POLK: variants seen among roughly 807,000 people sequenced by gnomAD.
POLK encodes DNA polymerase kappa.
A neutral mutation model predicts 94.0 loss-of-function variants in POLK; 76 were observed. The observed-to-expected ratio is 0.81, with a 90% CI of 0.67 to 0.98. The LOEUF is 0.98. Among genes scored for constraint, POLK ranks in the 50% least tolerant of loss-of-function variants. POLK has a pLI of 0.00. For synonymous variants in POLK, 349 were observed against 325.4 expected (o/e 1.07, Z -0.78); for missense variants, 954 against 1,010.1 (o/e 0.94, Z 0.75).
chr5:75,597,612 T>C (rs1773161353), intron 13 of POLK, 135 bp from the exon 14 acceptor site: 2 of 450,032 alleles, frequency 4.4e-6, no homozygotes, highest in South Asian at 7.5e-5. Flanking sequence ...TTATAGTTTT[T>C]GGTGTGTTTA....
intron 1 of POLK, chr5:75,534,956 G>T (rs1234694183): frequency 2.6e-5 from 4 of 152,054 alleles, no homozygotes; most frequent in Admixed American, 2.6e-4. Context: ...ATTGGGGTGT[G>T]CATTCAAGGT....
chr5:75,553,574 C>T (rs1022905849), intron 3 of POLK, among the ~76,000 whole-genome samples: 3 of 152,144 alleles, frequency 2.0e-5, no homozygotes, highest in South Asian at 2.1e-4. Context: ...TAATGCTTCA[C>T]AGCATTCCAC....
chr5:75,573,954 A>G, intron 5 of POLK, 85 bp downstream of exon 5: 2 of 1,393,604 alleles, frequency 1.4e-6, no homozygotes, highest in Non-Finnish European at 2.0e-6. Context: ...CTTAGCACGT[A>G]GGATTTGGTC....
At position 75,589,388 on chromosome 5, in the gene POLK, T is replaced by TACACACACACACACACAC. The variant is rs71600465; in HGVS notation, c.1260-923_1260-906dup. Among the ~76,000 whole-genome samples the TACACACACACACACACAC allele has an allele frequency of 2.4e-3, 308 of 128,264 alleles. 3 individuals are homozygous for TACACACACACACACACAC. The highest frequency in any genetic ancestry group is 3.9e-3 in the Middle Eastern group (1 of 254). 84.1% of individuals were successfully genotyped at this position (128,264 alleles called of 152,430 possible). ...TGCTTATTTTATATATATACACACA[T>TACACACACACACACACAC]ACACACACACACACACACACACACA... On this transcript the variant is annotated intron_variant, in intron 10 of 14. Transcript: ENST00000241436.
intron 1 of POLK, among the ~76,000 whole-genome samples, chr5:75,527,656 C>T (rs988323167): frequency 1.3e-5 from 2 of 151,868 alleles, no homozygotes; most frequent in African/African-American, 2.4e-5. Flanking sequence ...TTTTCTTCTC[C>T]GAACCTGGTA....
intron 10 of POLK, among the ~76,000 whole-genome samples, chr5:75,589,388 TACACACAC>T (rs71600465): frequency 0.073 from 9,338 of 128,286 alleles, 367 homozygotes; most frequent in South Asian, 0.18. Context: ...TATACACACA[TACACACAC>T]ACACACACAC....
downstream of POLK, among the ~76,000 whole-genome samples, chr5:75,602,090 G>A (rs1773308083): frequency 6.6e-6 from 1 of 152,084 alleles, no homozygotes; most frequent in Non-Finnish European, 1.5e-5. Flanking sequence ...GAGTCACATG[G>A]GGACATGCTT....
chr5:75,575,847 A>C lies in POLK; in HGVS notation c.541-933A>C, dbSNP rs530652502. Among the ~76,000 whole-genome samples the C allele has an allele frequency of 2.1e-4, 32 of 152,160 alleles. No homozygotes were observed. In the South Asian group the frequency reaches 6.6e-3, roughly 32 times the overall value. The stretch of plus-strand genomic sequence containing the variant: ...TTATAAAAGAAGAAACAGTTTTCTC[A>C]TGATACAGTAGACAGTTTTAAAAGC... On this transcript the variant is annotated intron_variant, in intron 5 of 14. Transcript: ENST00000241436.
At chr5:75,587,551 G>A (rs1772535186) in intron 10 of POLK, among the ~76,000 whole-genome samples, 2 of 152,114 alleles carry the variant, frequency 1.3e-5, no homozygotes, top group Non-Finnish European at 2.9e-5. Context: ...TTACCGTTTG[G>A]GGAAATAAGT....
chr5:75,569,666 C>T (rs909920452), intron 4 of POLK, among the ~76,000 whole-genome samples, 174 bp downstream of exon 4: 5 of 152,090 alleles, frequency 3.3e-5, no homozygotes, highest in Non-Finnish European at 5.9e-5. Context: ...GGCAGGGGAC[C>T]CCAACCCCCA....
intron 3 of POLK, among the ~76,000 whole-genome samples, chr5:75,557,177 T>A (rs1770673897): frequency 6.6e-6 from 1 of 152,242 alleles, no homozygotes; most frequent in African/African-American, 2.4e-5. Flanking sequence ...GTATTCTGTT[T>A]CATTGATCTA....
At chr5:75,511,746 T>A (rs1467035032), upstream of POLK, 4 of 1,549,426 alleles carry the variant, frequency 2.6e-6, no homozygotes, top group Non-Finnish European at 2.6e-6. Flanking sequence ...GGGATCCTCC[T>A]CCCGAACCCT....
intron 1 of POLK, among the ~76,000 whole-genome samples, chr5:75,522,400 C>G (rs1580913354): frequency 6.6e-6 from 1 of 152,242 alleles, no homozygotes; most frequent in East Asian, 1.9e-4. Flanking sequence ...AATCTCAGCA[C>G]CATATATTTG....
downstream of POLK, among the ~76,000 whole-genome samples, chr5:75,602,940 G>A (rs1163098927): frequency 6.6e-6 from 1 of 152,186 alleles, no homozygotes; most frequent in African/African-American, 2.4e-5. Flanking sequence ...TATCCGCAAG[G>A]TCAGTGTCCC....
intron 1 of POLK, chr5:75,538,713 C>T (rs1297211731): frequency 1.3e-5 from 2 of 151,914 alleles, no homozygotes; most frequent in South Asian, 2.1e-4. Flanking sequence ...TCCTAGATGC[C>T]GTTGTTTATT....
At chr5:75,542,924 G>A (rs1461854308) in intron 1 of POLK, among the ~76,000 whole-genome samples, 1 of 149,968 alleles carries the variant, frequency 6.7e-6, no homozygotes, top group South Asian at 2.1e-4. Flanking sequence ...TATTGGCCAG[G>A]CTGGTCTCGA....
At position 75,550,536 on chromosome 5, in the gene POLK, A is replaced by G. The variant is rs143036168; in HGVS notation, c.136-1936A>G. 2.1e-3 allele frequency among the ~76,000 whole-genome samples: 315 copies of G among 152,198 alleles called. 1 individual carries two copies. The East Asian group carries it at 0.027, about 13-fold the overall frequency. ...GGAGGTTGCAGTGAGCCAAGATTGC[A>G]CCACTGCACTCCAGTCTGGGCAACA... On this transcript the variant is annotated intron_variant, in intron 2 of 14. Coordinates refer to ENST00000241436, the Ensembl canonical transcript of POLK.
downstream of POLK, among the ~76,000 whole-genome samples, chr5:75,602,632 A>G (rs75156151): frequency 2.1e-3 from 317 of 152,340 alleles, 1 homozygote; most frequent in East Asian, 0.027. Flanking sequence ...GACACTTCAA[A>G]TTCGTAACAT....
chr5:75,586,450 A>G (rs1020565098), intron 9 of POLK, among the ~76,000 whole-genome samples: 2 of 152,138 alleles, frequency 1.3e-5, no homozygotes, highest in African/African-American at 4.8e-5. Context: ...GAAAATGAGT[A>G]CTCTACATGT....
Sources: allele counts gnomAD v4.1 joint callset (sites outside exome capture counted in the v4.1 genomes callset), GRCh38; gene constraint gnomAD v4.1.1; transcripts MANE v1.5; gene names NCBI Gene and HGNC (gene_info 2026-07-23, HGNC 2026-07-21).